Variants in THSD4 observed in about 807,000 individuals in gnomAD.
THSD4 encodes the protein thrombospondin type 1 domain containing 4, also known as thrombospondin type-1 domain-containing protein 4.
In THSD4, 69 loss-of-function variants were observed where a neutral mutation model predicts 119.0. That is an observed-to-expected ratio of 0.58 (90% CI 0.48 to 0.71). The LOEUF (loss-of-function observed/expected upper bound fraction) is 0.71, where lower values mean the gene tolerates loss of function less well. THSD4 is among the 30% of genes least tolerant of loss of function. The pLI, the probability that THSD4 is intolerant of heterozygous loss-of-function variation, is 0.00. For missense variants in THSD4, 1,393 were observed against 1,391.1 expected (o/e 1.00, Z -0.02); for synonymous variants, 524 against 540.4 (o/e 0.97, Z 0.42).
chr15:71,643,996 C>G (rs1156463691), intron 7 of THSD4, among the ~76,000 whole-genome samples: 3 of 152,188 alleles, frequency 2.0e-5, no homozygotes, highest in African/African-American at 7.2e-5. Flanking sequence ...CAGTTCTTCA[C>G]ATTTTGAAAA....
At position 71,777,675 on chromosome 15, in the gene THSD4, A is replaced by G. The variant is rs2053939114; in HGVS notation, c.*301A>G. 2.7e-6 allele frequency: 1 copy of G among 377,152 alleles called. No homozygotes were observed. Among genetic ancestry groups the G allele is most frequent in the Non-Finnish European group, 5.0e-6 (1 of 200,748 alleles). 23.4% of individuals were successfully genotyped at this position (377,152 alleles called of 1,614,324 possible). On this transcript the variant is annotated 3_prime_UTR_variant, in exon 18 of 18. Transcript: ENST00000261862. ...GCAGTGGGAAGTACATGGAGCTCTC[A>G]GCCCTGCTCCCATCTGGCACCTTCA...
intron 6 of THSD4, among the ~76,000 whole-genome samples, chr15:71,301,823 C>T (rs1376002185): frequency 6.6e-6 from 1 of 152,206 alleles, no homozygotes; most frequent in Non-Finnish European, 1.5e-5. Context: ...GAGATATCCT[C>T]TCTTCTGGCC....
intron 7 of THSD4, among the ~76,000 whole-genome samples, chr15:71,415,994 G>C (rs368759288): frequency 1.3e-5 from 2 of 152,042 alleles, no homozygotes; most frequent in African/African-American, 2.4e-5. Context: ...ACAGGGTTTC[G>C]TTGTGTTGGC....
chr15:71,409,737 G>T (rs1378861214), intron 6 of THSD4, among the ~76,000 whole-genome samples: 1 of 152,110 alleles, frequency 6.6e-6, no homozygotes, highest in Non-Finnish European at 1.5e-5. Flanking sequence ...GTTTATTGCT[G>T]TGACAGTCAG....
intron 6 of THSD4, among the ~76,000 whole-genome samples, chr15:71,260,734 C>T (rs2044384713): frequency 6.6e-6 from 1 of 152,096 alleles, no homozygotes; most frequent in East Asian, 1.9e-4. Flanking sequence ...TGGGTTTGAG[C>T]TTGCAATCAT....
intron 8 of THSD4, among the ~76,000 whole-genome samples, chr15:71,726,267 G>A (rs1257723149): frequency 1.3e-5 from 2 of 152,220 alleles, no homozygotes; most frequent in African/African-American, 2.4e-5. Flanking sequence ...GGAGTCTGCA[G>A]GGGGAGCCCA....
chr15:71,651,057 G>A (rs1001910672), intron 7 of THSD4, among the ~76,000 whole-genome samples: 2 of 152,216 alleles, frequency 1.3e-5, no homozygotes, highest in Admixed American at 1.3e-4. Context: ...ATGAATTAAT[G>A]AGTATCAAGA....
chr15:71,596,656 C>G (rs34942640), intron 7 of THSD4, among the ~76,000 whole-genome samples: 25,776 of 152,104 alleles, frequency 0.17, 2,521 homozygotes, highest in Non-Finnish European at 0.22. Context: ...CTAGGTTGAT[C>G]CTAAAGACAA....
At chr15:71,188,276 C>T (rs531649388) in intron 3 of THSD4, among the ~76,000 whole-genome samples, 2 of 151,766 alleles carry the variant, frequency 1.3e-5, no homozygotes, top group African/African-American at 4.8e-5. Flanking sequence ...GATGATGACT[C>T]AAAAAAGGGG....
At chr15:71,118,519 C>T (rs1410598206) in intron 1 of THSD4, among the ~76,000 whole-genome samples, 1 of 152,180 alleles carries the variant, frequency 6.6e-6, no homozygotes, top group African/African-American at 2.4e-5. Context: ...TTCCCCCGAG[C>T]AGCCTCCTTG....
chr15:71,634,919 A>G (rs954327791), intron 7 of THSD4, among the ~76,000 whole-genome samples: 3 of 152,172 alleles, frequency 2.0e-5, no homozygotes, highest in African/African-American at 4.8e-5. Context: ...TGACAAATGA[A>G]TACTCCATCT....
At chr15:71,585,580 C>T (rs868594396) in intron 7 of THSD4, among the ~76,000 whole-genome samples, 16 of 151,810 alleles carry the variant, frequency 1.1e-4, no homozygotes, top group African/African-American at 3.6e-4. Flanking sequence ...TCAGTCTGTT[C>T]GGGGTTACTT....
intron 8 of THSD4, among the ~76,000 whole-genome samples, chr15:71,675,510 G>T (rs974102648): frequency 3.3e-5 from 5 of 152,164 alleles, no homozygotes; most frequent in Non-Finnish European, 7.3e-5. Context: ...AATAAAGGTC[G>T]TGCTGGCTCT....
intron 6 of THSD4, among the ~76,000 whole-genome samples, chr15:71,294,995 A>C (rs2044843539): frequency 6.6e-6 from 1 of 151,298 alleles, no homozygotes; most frequent in African/African-American, 2.4e-5. Flanking sequence ...AACTGGGATC[A>C]AGCTGGGACT....
At chr15:71,480,276 G>A (rs1049038904) in intron 7 of THSD4, among the ~76,000 whole-genome samples, 6 of 152,128 alleles carry the variant, frequency 3.9e-5, no homozygotes, top group African/African-American at 1.2e-4. Flanking sequence ...GAGCTCAAGC[G>A]ATCTACTCAC....
chr15:71,421,517 A>G (rs1030660559), intron 7 of THSD4, among the ~76,000 whole-genome samples: 1 of 152,160 alleles, frequency 6.6e-6, no homozygotes, highest in Non-Finnish European at 1.5e-5. Context: ...TAAGGTTTCC[A>G]CTGAAATATC....
chr15:71,735,893 TCTCTCTGTCTCTCTTG>T lies in THSD4; in HGVS notation c.1631-1824_1631-1809del, dbSNP rs539717403. Among the ~76,000 whole-genome samples, 186 of 151,108 alleles carry T rather than the reference TCTCTCTGTCTCTCTTG, an allele frequency of 1.2e-3. 1 individual carries two copies. The highest frequency in any genetic ancestry group is 4.3e-3 in the African/African-American group (178 of 41,082). The stretch of plus-strand genomic sequence containing the variant: ...TGCTTTCTGTCTCTGTCTCTCTGTC[TCTCTCTGTCTCTCTTG>T]CTCTCTGTCTCTCTCACTTTCTGTC... On this transcript the variant is annotated intron_variant, in intron 10 of 17. Coordinates refer to ENST00000261862, the MANE Select transcript of THSD4 (RefSeq NM_024817.3).
intron 8 of THSD4, among the ~76,000 whole-genome samples, chr15:71,686,793 ACT>A (rs1350418991): frequency 1.3e-5 from 2 of 152,214 alleles, no homozygotes; most frequent in African/African-American, 4.8e-5. Flanking sequence ...CCCTATGGAC[ACT>A]GTCACAACTA....
chr15:71,199,647 G>GTGATGC (rs1567154704), intron 3 of THSD4, among the ~76,000 whole-genome samples: 6 of 128,478 alleles, frequency 4.7e-5, no homozygotes, highest in African/African-American at 1.5e-4. Context: ...GTGTGTGTGT[G>GTGATGC]GTGTGTGTGT....
Sources: allele counts gnomAD v4.1 joint callset (sites outside exome capture counted in the v4.1 genomes callset), GRCh38; gene constraint gnomAD v4.1.1; transcripts MANE v1.5; gene names NCBI Gene and HGNC (gene_info 2026-07-23, HGNC 2026-07-21).